Variants in NCKAP5 observed in about 807,000 individuals in gnomAD.
NCKAP5 encodes NCK associated protein 5, also known as nck-associated protein 5.
In NCKAP5, 92 loss-of-function variants were observed where a neutral mutation model predicts 167.0. That is an observed-to-expected ratio of 0.55 (90% CI 0.47 to 0.66). The LOEUF is 0.66. NCKAP5 is among the 30% of genes least tolerant of loss of function. NCKAP5 has a pLI of 0.00. For missense variants in NCKAP5, 2,378 were observed against 2,315.0 expected, an observed-to-expected ratio of 1.03 and a Z score of -0.56; for synonymous variants, 891 against 877.4, an observed-to-expected ratio of 1.02 and a Z score of -0.27.
chr2:132,973,811 G>A lies in NCKAP5; in HGVS notation c.430-9942C>T, dbSNP rs187253337. On this transcript the variant is annotated intron_variant, in intron 7 of 19. Transcript: ENST00000409261. ...TTGGGCCCTAAGGTTAAAGCTACCT[G>A]TAAGAAACAAAAGGCCAGTGAGAGT... 2.0e-5 allele frequency among the ~76,000 whole-genome samples: 3 copies of A among 151,928 alleles called. No individual in the cohort carries two copies. In the East Asian group the frequency reaches 5.8e-4, roughly 29 times the overall value.
chr2:133,017,812 G>A (rs1478672678), intron 6 of NCKAP5, among the ~76,000 whole-genome samples: 1 of 151,436 alleles, frequency 6.6e-6, no homozygotes, highest in African/African-American at 2.4e-5. Flanking sequence ...CTGAAATGGA[G>A]GCCCCAGAAC....
At chr2:132,893,714 G>A (rs374350699) in intron 8 of NCKAP5, among the ~76,000 whole-genome samples, 5 of 152,292 alleles carry the variant, frequency 3.3e-5, no homozygotes, top group South Asian at 4.1e-4. Flanking sequence ...CACTAGTGGG[G>A]AGAAAGGAAA....
At chr2:133,334,839 T>C (rs1683106476) in intron 3 of NCKAP5, among the ~76,000 whole-genome samples, 1 of 152,106 alleles carries the variant, frequency 6.6e-6, no homozygotes, top group Admixed American at 6.6e-5. Flanking sequence ...CAGAAAACAG[T>C]GAACTGATTG....
intron 3 of NCKAP5, among the ~76,000 whole-genome samples, chr2:133,485,999 G>T (rs1398903947): frequency 1.3e-5 from 2 of 152,144 alleles, no homozygotes; most frequent in African/African-American, 4.8e-5. Context: ...TCCCTCTCCA[G>T]TCATGTAGTT....
chr2:132,863,497 T>C lies in NCKAP5; in HGVS notation c.688-2886A>G, dbSNP rs147830677. 6.3e-3 allele frequency among the ~76,000 whole-genome samples: 951 copies of C among 150,520 alleles called. 12 individuals are homozygous for C. The highest frequency in any genetic ancestry group is 0.022 in the African/African-American group (895 of 41,128). ...AAAGAATGAAAGAAAAAAATCAATA[T>C]ACTTTATAGAGAGTCTTTACACAAG... On this transcript the variant is annotated intron_variant, in intron 10 of 19. Transcript: ENST00000409261.
chr2:132,937,019 G>T (rs1404477987), intron 8 of NCKAP5, among the ~76,000 whole-genome samples: 1 of 152,132 alleles, frequency 6.6e-6, no homozygotes, highest in Non-Finnish European at 1.5e-5. Context: ...CCCAGCAAAG[G>T]TGTCCTATTA....
At chr2:132,790,426 T>C (rs1683972172) in intron 12 of NCKAP5, among the ~76,000 whole-genome samples, 3 of 152,164 alleles carry the variant, frequency 2.0e-5, no homozygotes, top group African/African-American at 7.2e-5. Context: ...TACATTAGCC[T>C]ACGGTTGGGC....
chr2:132,798,133 TC>T (rs1332476815), intron 11 of NCKAP5, among the ~76,000 whole-genome samples: 3 of 152,156 alleles, frequency 2.0e-5, no homozygotes, highest in Admixed American at 6.6e-5. Flanking sequence ...AGCTAAGACC[TC>T]CATAGGTAAC....
the NCKAP5 span, among the ~76,000 whole-genome samples, chr2:133,606,776 G>A: frequency 7.3e-5 from 11 of 150,220 alleles, no homozygotes; most frequent in African/African-American, 2.2e-4. Flanking sequence ...TTTAGCCTGA[G>A]AGCTTTTCTA....
At chr2:133,088,636 T>C (rs995535563) in intron 6 of NCKAP5, among the ~76,000 whole-genome samples, 7 of 152,172 alleles carry the variant, frequency 4.6e-5, no homozygotes, top group Admixed American at 2.6e-4. Context: ...ACAAATATTA[T>C]GTAATGCTGC....
rs144258654 is a variant in NCKAP5, at chr2:132,942,164, C to G, written c.579+21556G>C. Among the ~76,000 whole-genome samples the G allele has an allele frequency of 1.9e-3, 290 of 152,272 alleles. 6 individuals are homozygous for G. Among genetic ancestry groups the G allele is most frequent in the Admixed American group, 0.017 (266 of 15,292 alleles). ...ATTGACAGAGCAGAAAAGGAGGTTT[C>G]TTAACTTGCCATCTATATCCAATCT... On this transcript the variant is annotated intron_variant, in intron 8 of 19. Transcript: ENST00000409261.
chr2:132,910,496 A>G (rs1044898788), intron 8 of NCKAP5, among the ~76,000 whole-genome samples: 4 of 152,032 alleles, frequency 2.6e-5, no homozygotes, highest in Non-Finnish European at 1.5e-5. Flanking sequence ...TTTAGATCCC[A>G]CAAATAAGTG....
the NCKAP5 span, among the ~76,000 whole-genome samples, chr2:133,620,227 A>G: frequency 7.5e-3 from 1,139 of 152,222 alleles, 10 homozygotes; most frequent in Middle Eastern, 0.051. Flanking sequence ...ATAGAATAGT[A>G]TCTCATGTCT....
intron 6 of NCKAP5, among the ~76,000 whole-genome samples, chr2:133,038,936 G>A (rs1319610434): frequency 6.6e-6 from 1 of 152,194 alleles, no homozygotes; most frequent in Non-Finnish European, 1.5e-5. Flanking sequence ...AGATAGCAGA[G>A]ACTGCAAAAA....
chr2:132,833,213 G>T (rs574278030), intron 11 of NCKAP5, among the ~76,000 whole-genome samples: 26 of 151,940 alleles, frequency 1.7e-4, no homozygotes, highest in African/African-American at 6.0e-4. Flanking sequence ...ATTTTTAATG[G>T]GATTATTTCA....
intron 6 of NCKAP5, among the ~76,000 whole-genome samples, chr2:132,995,647 AAAACAAACAAACAAAC>A (rs71398579): frequency 9.0e-5 from 13 of 143,998 alleles, no homozygotes; most frequent in South Asian, 2.3e-4. Flanking sequence ...ACTCTATCTG[AAAACAAACAAACAAAC>A]AAACAAACAA....
intron 11 of NCKAP5, among the ~76,000 whole-genome samples, chr2:132,800,328 C>T (rs1356579467): frequency 1.3e-5 from 2 of 152,118 alleles, no homozygotes; most frequent in Non-Finnish European, 2.9e-5. Flanking sequence ...TGTCTTTAAC[C>T]TGCAAATCCC....
At chr2:132,774,256 G>A (rs1052262521) in intron 15 of NCKAP5, among the ~76,000 whole-genome samples, 1 of 152,148 alleles carries the variant, frequency 6.6e-6, no homozygotes, top group African/African-American at 2.4e-5. Context: ...GTTAGGAAAC[G>A]TTAAAGTCTA....
At chr2:132,945,703 G>GTACCACACCCCATGC (rs1697665248) in intron 8 of NCKAP5, among the ~76,000 whole-genome samples, 1 of 152,110 alleles carries the variant, frequency 6.6e-6, no homozygotes, top group Non-Finnish European at 1.5e-5. Flanking sequence ...GCCTCTTATT[G>GTACCACACCCCATGC]TACCACACCC....
Sources: allele counts gnomAD v4.1 joint callset (sites outside exome capture counted in the v4.1 genomes callset), GRCh38; gene constraint gnomAD v4.1.1; transcripts MANE v1.5; gene names NCBI Gene and HGNC (gene_info 2026-07-23, HGNC 2026-07-21).